C1QTNF6: variants seen among roughly 807,000 people sequenced by gnomAD.
C1QTNF6 encodes C1q and TNF related 6, also known as complement C1q tumor necrosis factor-related protein 6.
Under a neutral mutation model 20.7 loss-of-function variants are expected in C1QTNF6, and 17 were observed. The ratio of observed to expected loss-of-function variants is 0.82; its 90% confidence interval spans 0.56 to 1.23. The LOEUF (loss-of-function observed/expected upper bound fraction) is 1.23, where lower values mean the gene tolerates loss of function less well. Ranked by LOEUF, C1QTNF6 falls within the 50% of genes most tolerant of loss-of-function variation. C1QTNF6 has a pLI of 0.00. For synonymous variants in C1QTNF6, 130 were observed against 156.3 expected (o/e 0.83, Z 1.25); for missense variants, 329 against 389.7 (o/e 0.84, Z 1.31).
intron 1 of C1QTNF6, among the ~76,000 whole-genome samples, chr22:37,187,334 A>C (rs940652703): frequency 2.6e-5 from 4 of 152,162 alleles, no homozygotes; most frequent in Non-Finnish European, 5.9e-5. Flanking sequence ...GTGGTTTTGG[A>C]AATCCCAAAA....
intron 2 of C1QTNF6, among the ~76,000 whole-genome samples, chr22:37,193,605 G>T (rs1924948313): frequency 6.6e-6 from 1 of 152,170 alleles, no homozygotes; most frequent in East Asian, 1.9e-4. Flanking sequence ...CTTGTTACCA[G>T]ACTCTAGCCG....
intron 2 of C1QTNF6, among the ~76,000 whole-genome samples, chr22:37,183,877 G>T (rs1924021166): frequency 6.6e-6 from 1 of 152,166 alleles, no homozygotes; most frequent in Non-Finnish European, 1.5e-5. Context: ...TACAAATAAG[G>T]CAGCAAGCTC....
rs939014427 is a variant in C1QTNF6, at chr22:37,181,445, T to G, written c.*743A>C. 1.3e-5 allele frequency: 2 copies of G among 152,272 alleles called. No individual in the cohort carries two copies. Among genetic ancestry groups the G allele is most frequent in the African/African-American group, 4.8e-5 (2 of 41,440 alleles). The allele number at this position is 152,272 out of a possible 1,614,324, so 9.4% of individuals were successfully genotyped here. On this transcript the variant is annotated 3_prime_UTR_variant, in exon 3 of 3. Coordinates refer to ENST00000337843, the MANE Select transcript of C1QTNF6 (RefSeq NM_031910.4). Reference sequence around the variant, plus strand: ...GCTCACACCTGTAATCCCAGCATTTTGAGAGGCCGAGGCGGGTGGGTCACC... The same window carrying G: ...GCTCACACCTGTAATCCCAGCATTTGGAGAGGCCGAGGCGGGTGGGTCACC...
At chr22:37,188,970 C>T (rs1924627903), upstream of C1QTNF6, among the ~76,000 whole-genome samples, 3 of 152,160 alleles carry the variant, frequency 2.0e-5, no homozygotes, top group South Asian at 6.2e-4. Context: ...AAAAGAATGG[C>T]TACTCCATAG....
At chr22:37,193,827 G>T (rs1237204093) in intron 2 of C1QTNF6, among the ~76,000 whole-genome samples, 2 of 152,170 alleles carry the variant, frequency 1.3e-5, no homozygotes, top group Non-Finnish European at 2.9e-5. Context: ...TTATGGAGAA[G>T]AAAATGAATA....
intron 2 of C1QTNF6, 36 bp downstream of exon 2, chr22:37,185,182 C>A: frequency 6.6e-7 from 1 of 1,516,876 alleles, no homozygotes; most frequent in South Asian, 1.3e-5. Flanking sequence ...CCTGGCCCTC[C>A]CTGCCCACTA....
At chr22:37,186,625 C>A (rs909648536) in intron 1 of C1QTNF6, among the ~76,000 whole-genome samples, 1 of 152,110 alleles carries the variant, frequency 6.6e-6, no homozygotes, top group African/African-American at 2.4e-5. Flanking sequence ...GGACACCAGG[C>A]GCTAGAGACA....
chr22:37,182,758 A>C lies in C1QTNF6; in HGVS notation c.290-23T>G, dbSNP rs748023928. On this transcript the variant is annotated intron_variant, in intron 2 of 2. Transcript: ENST00000337843. ...CACCTGTGGGGATAAAAAGGGGACA[A>C]GTCAGGGTGGACATCTGAGCCTGCT... The C allele has an allele frequency of 3.2e-6, 5 of 1,562,190 alleles. No individual in the cohort carries two copies. In the South Asian group the frequency reaches 5.8e-5, roughly 18 times the overall value.
chr22:37,198,459 G>A (rs762317165), upstream of C1QTNF6, among the ~76,000 whole-genome samples: 2 of 152,136 alleles, frequency 1.3e-5, no homozygotes, highest in Non-Finnish European at 2.9e-5. Flanking sequence ...TTCAGTCAGC[G>A]CTTACAAAGC....
In C1QTNF6 at chr22:37,185,116, G is replaced by C. The variant is rs1924179939; in HGVS notation, c.289+102C>G. ...ACATTGGGGCTCAATAACTCAGGATGAAAGAGGAGTCTGGACAGGTTTCCG... is the reference window on the plus strand; with the variant it reads ...ACATTGGGGCTCAATAACTCAGGATCAAAGAGGAGTCTGGACAGGTTTCCG... On this transcript the variant is annotated intron_variant, in intron 2 of 2. Transcript: ENST00000337843. 4.8e-6 allele frequency: 7 copies of C among 1,456,666 alleles called. No homozygotes were observed. The South Asian group carries it at 6.1e-5, about 13-fold the overall frequency. The allele number at this position is 1,456,666 out of a possible 1,614,324, so 90.2% of individuals were successfully genotyped here.
Position 37,182,458 on chromosome 22 carries a change from G to GCTCCCC in C1QTNF6, c.566_567insGGGGAG (p.Gly189_Ile190insGlySer). ...GCACATTGAGGCTGAAGAAGTAGAT[G>GCTCCCC]CCACGCAGGGGAGCAGCAAACTGGC... is the stretch of plus-strand genomic sequence containing the variant. On this transcript the variant is annotated inframe_insertion, in exon 3 of 3. Coordinates refer to ENST00000337843, the MANE Select transcript of C1QTNF6 (RefSeq NM_031910.4). 6.2e-7 allele frequency: 1 copy of GCTCCCC among 1,614,272 alleles called. No homozygotes were observed.
At position 37,181,690 on chromosome 22, in the gene C1QTNF6, G is replaced by GA. The variant is rs1351237456; in HGVS notation, c.*497dup. ...GCAACAGAGCAAGACTCTGTCTCAA[G>GA]AAAAAAAAATGTTGGGAGAATTCTA... On this transcript the variant is annotated 3_prime_UTR_variant, in exon 3 of 3. Transcript: ENST00000337843. The GA allele has an allele frequency of 1.4e-4, 21 of 155,550 alleles. No individual in the cohort carries two copies. Among genetic ancestry groups the GA allele is most frequent in the Middle Eastern group, 3.4e-3 (1 of 298 alleles). The allele number at this position is 155,550 out of a possible 1,614,324, so 9.6% of individuals were successfully genotyped here. A position where few individuals can be genotyped will look rare whatever the true frequency, so the allele number is the denominator to read the frequency against.
intron 2 of C1QTNF6, among the ~76,000 whole-genome samples, chr22:37,193,891 G>A (rs761641928): frequency 6.6e-6 from 1 of 152,212 alleles, no homozygotes; most frequent in African/African-American, 2.4e-5. Flanking sequence ...CCCTAAGGTG[G>A]GAATTGAACC....
At position 37,184,357 on chromosome 22, in the gene C1QTNF6, G is replaced by T. The variant is rs1924080177; in HGVS notation, c.289+861C>A. On this transcript the variant is annotated intron_variant, in intron 2 of 2. Coordinates refer to ENST00000337843, the MANE Select transcript of C1QTNF6 (RefSeq NM_031910.4). The surrounding 1 kb of genome is among the most constrained non-coding windows in gnomAD (Gnocchi z 4.0). ...TCGACCTCACGGGCTGTTGTGGGCA[G>T]AGACGGACGCTAAGGATGTCAAGGC... 1 of 717,166 alleles carries T rather than the reference G, an allele frequency of 1.4e-6. No individual in the cohort carries two copies. The highest frequency in any genetic ancestry group is 2.6e-6 in the Non-Finnish European group (1 of 385,060). 44.4% of individuals were successfully genotyped at this position (717,166 alleles called of 1,614,324 possible).
rs1239970100 is a variant in C1QTNF6, at chr22:37,185,409, A to AGGAGCGCTGCCCAGACG, written c.81_97dup (p.Leu33ProfsTer11). The AGGAGCGCTGCCCAGACG allele has an allele frequency of 4.3e-6, 7 of 1,612,714 alleles. No homozygotes were observed. Among genetic ancestry groups the AGGAGCGCTGCCCAGACG allele is most frequent in the Non-Finnish European group, 5.9e-6 (7 of 1,179,414 alleles). Reference sequence around the variant, plus strand: ...GATCTCACACATCAGGAGAAAGAGCAGGAGCGCTGCCCAGACGGGACCCAG... The same window carrying AGGAGCGCTGCCCAGACG: ...GATCTCACACATCAGGAGAAAGAGCAGGAGCGCTGCCCAGACGGGAGCGCTGCCCAGACGGGACCCAG... On this transcript the variant is annotated frameshift_variant, in exon 2 of 3. Transcript: ENST00000337843. LOFTEE classifies it high-confidence loss of function.
chr22:37,182,808 G>C, intron 2 of C1QTNF6, 73 bp from the exon 3 acceptor site: 1 of 1,480,750 alleles, frequency 6.8e-7, no homozygotes, highest in Non-Finnish European at 9.0e-7. Flanking sequence ...ACACTCATCT[G>C]TGACGGCTCT....
At chr22:37,189,205 C>T (rs1033956345), upstream of C1QTNF6, among the ~76,000 whole-genome samples, 1 of 152,182 alleles carries the variant, frequency 6.6e-6, no homozygotes, top group Non-Finnish European at 1.5e-5. Flanking sequence ...CAAGCTAACA[C>T]ATTTTAATTA....
At chr22:37,192,220 A>G (rs1924865618), upstream of C1QTNF6, among the ~76,000 whole-genome samples, 1 of 152,232 alleles carries the variant, frequency 6.6e-6, no homozygotes, top group African/African-American at 2.4e-5. Flanking sequence ...CCAAAAGCAT[A>G]TTCAATTTTC....
At chr22:37,185,825 T>G (rs576631209) in intron 1 of C1QTNF6, 1 of 999,192 alleles carries the variant, frequency 1.0e-6, no homozygotes, top group African/African-American at 1.7e-5. Context: ...CAGCTGGCCA[T>G]GGGTGGCAAC....
Sources: allele counts gnomAD v4.1 joint callset (sites outside exome capture counted in the v4.1 genomes callset), GRCh38; gene constraint gnomAD v4.1.1; non-coding constraint Gnocchi (gnomAD v3.1); transcripts MANE v1.5; gene names NCBI Gene and HGNC (gene_info 2026-07-23, HGNC 2026-07-21).